Variants in LUZP1 observed in about 807,000 individuals in gnomAD.
LUZP1 encodes the protein filamin mechanobinding actin cross-linking protein.
Under a neutral mutation model 71.3 loss-of-function variants are expected in LUZP1, and 25 were observed. That is an observed-to-expected ratio of 0.35 (90% CI 0.26 to 0.49). The LOEUF is 0.49. LUZP1 is among the 20% of genes least tolerant of loss of function. The pLI, the probability that LUZP1 is intolerant of heterozygous loss-of-function variation, is 0.99. For synonymous variants in LUZP1, 481 were observed against 506.4 expected, an observed-to-expected ratio of 0.95 and a Z score of 0.67; for missense variants, 1,142 against 1,300.8, an observed-to-expected ratio of 0.88 and a Z score of 1.88.
intron 4 of LUZP1, chr1:23,090,277 A>G (rs1643833069): frequency 6.6e-6 from 1 of 152,178 alleles, no homozygotes; most frequent in Non-Finnish European, 1.5e-5. Flanking sequence ...AAAAATGGGG[A>G]TAATATCTGC....
At chr1:23,089,948 C>T (rs181846044) in intron 4 of LUZP1, among the ~76,000 whole-genome samples, 101 of 152,206 alleles carry the variant, frequency 6.6e-4, no homozygotes, top group African/African-American at 2.2e-3. Flanking sequence ...TTAGTAGAGA[C>T]GGGGTTTCAC....
chr1:23,102,058 A>C (rs972664999), intron 3 of LUZP1, among the ~76,000 whole-genome samples: 1 of 151,630 alleles, frequency 6.6e-6, no homozygotes, highest in Non-Finnish European at 1.5e-5. Flanking sequence ...AGCATATTGT[A>C]TCATCATACA....
At chr1:23,159,750 C>G (rs1644449802) in intron 2 of LUZP1, among the ~76,000 whole-genome samples, 1 of 152,190 alleles carries the variant, frequency 6.6e-6, no homozygotes, top group Non-Finnish European at 1.5e-5. Context: ...TTTGGGAAGC[C>G]AAGGCAGGCG....
chr1:23,137,360 G>A (rs1256349263), intron 2 of LUZP1, among the ~76,000 whole-genome samples: 2 of 152,200 alleles, frequency 1.3e-5, no homozygotes, highest in East Asian at 1.9e-4. Context: ...CCAAAGTGAG[G>A]CGAGGCATGG....
chr1:23,103,858 G>GGGAA (rs1643953962), intron 3 of LUZP1, among the ~76,000 whole-genome samples: 1 of 8,058 alleles, frequency 1.2e-4, no homozygotes, highest in Non-Finnish European at 4.0e-4. Flanking sequence ...GAGGGAGGGA[G>GGGAA]GGAGGGAGGG....
At chr1:23,118,071 CAG>C (rs762223812) in intron 2 of LUZP1, among the ~76,000 whole-genome samples, 16 of 150,876 alleles carry the variant, frequency 1.1e-4, no homozygotes, top group Admixed American at 2.6e-4. Flanking sequence ...CCCTGGGCGA[CAG>C]AGCGAGACTC....
In LUZP1 at chr1:23,093,648, T is replaced by C. The variant is rs1334498312; in HGVS notation, c.614A>G (p.Lys205Arg). The C allele has an allele frequency of 1.2e-6, 2 of 1,610,890 alleles. No homozygotes were observed. Among genetic ancestry groups the C allele is most frequent in the East Asian group, 4.5e-5 (2 of 44,870 alleles). Residue 205 changes from lysine to arginine, a missense_variant, in exon 4 of 5, where the codon AAA becomes AGA. Lys to Arg is a conservative substitution (Grantham distance 26, BLOSUM62 2). Coordinates refer to ENST00000302291, the Ensembl canonical transcript of LUZP1. The surrounding 1 kb of genome is among the most constrained non-coding windows in gnomAD (Gnocchi z 4.2). Reference sequence around the variant, plus strand: ...TTCTTTTATCAATTTCTCATTTTCTTTCTCCTTTTCATTCAAGTATTTTCT... The same window carrying C: ...TTCTTTTATCAATTTCTCATTTTCTCTCTCCTTTTCATTCAAGTATTTTCT...
chr1:23,106,822 C>T (rs1643985999), intron 3 of LUZP1, among the ~76,000 whole-genome samples: 1 of 152,172 alleles, frequency 6.6e-6, no homozygotes, highest in Admixed American at 6.5e-5. Flanking sequence ...TCCATCCTTC[C>T]CCACCCTCCA....
chr1:23,093,784 C>G lies in LUZP1; in HGVS notation c.478G>C (p.Val160Leu), dbSNP rs1643877820. Residue 160 changes from valine to leucine, a missense_variant, in exon 4 of 5, where the codon GTC becomes CTC. Val to Leu is a conservative substitution (Grantham distance 32, BLOSUM62 1). Transcript: ENST00000302291. The surrounding 1 kb of genome is among the most constrained non-coding windows in gnomAD (Gnocchi z 4.2). Reference sequence around the variant, plus strand: ...GAAGATTCTAGTTCTTTCACTTTGACTCTGAGCATTTCCAGCTCAGAGGAG... The same window carrying G: ...GAAGATTCTAGTTCTTTCACTTTGAGTCTGAGCATTTCCAGCTCAGAGGAG... 1 of 1,614,018 alleles carries G rather than the reference C, an allele frequency of 6.2e-7. No individual in the cohort carries two copies. The highest frequency in any genetic ancestry group is 8.5e-7 in the Non-Finnish European group (1 of 1,180,016).
At chr1:23,108,035 TCTAA>T (rs1356211240) in intron 3 of LUZP1, among the ~76,000 whole-genome samples, 2 of 152,160 alleles carry the variant, frequency 1.3e-5, no homozygotes, top group Non-Finnish European at 2.9e-5. Context: ...GGAAGCTTTC[TCTAA>T]CTATCATCCA....
chr1:23,149,960 CAAAAAAAAAAAAAA>C (rs66680455), intron 2 of LUZP1, among the ~76,000 whole-genome samples: 3 of 75,780 alleles, frequency 4.0e-5, no homozygotes, highest in Non-Finnish European at 7.0e-5. Context: ...GACTCCGTCT[CAAAAAAAAAAAAAA>C]AAAAAAAAAA....
At chr1:23,144,237 GAAGAGATGGA>G in intron 2 of LUZP1, among the ~76,000 whole-genome samples, 1 of 152,202 alleles carries the variant, frequency 6.6e-6, no homozygotes, top group Non-Finnish European at 1.5e-5. Flanking sequence ...TCTTTTCATC[GAAGAGATGGA>G]AAGAGTACAT....
intron 3 of LUZP1, among the ~76,000 whole-genome samples, chr1:23,096,435 G>A (rs1467648079): frequency 1.3e-5 from 2 of 152,130 alleles, no homozygotes; most frequent in South Asian, 2.1e-4. Context: ...TATTTGAAGA[G>A]CTAGCAGGTA....
At chr1:23,156,034 G>C (rs1348015327) in intron 2 of LUZP1, among the ~76,000 whole-genome samples, 1 of 152,150 alleles carries the variant, frequency 6.6e-6, no homozygotes, top group African/African-American at 2.4e-5. Context: ...TCAGACCAAG[G>C]TAAATGATAC....
At chr1:23,102,624 G>A (rs1643940507) in intron 3 of LUZP1, among the ~76,000 whole-genome samples, 2 of 152,150 alleles carry the variant, frequency 1.3e-5, no homozygotes, top group Non-Finnish European at 2.9e-5. Context: ...CTGTACAGAA[G>A]TGAATGAACA....
chr1:23,132,560 C>T (rs1644223377), intron 2 of LUZP1, among the ~76,000 whole-genome samples: 1 of 150,146 alleles, frequency 6.7e-6, no homozygotes, highest in Admixed American at 6.6e-5. Flanking sequence ...AATCTGGAGA[C>T]ATCTGAATAT....
intron 2 of LUZP1, among the ~76,000 whole-genome samples, chr1:23,136,973 G>A (rs1235616079): frequency 6.6e-6 from 1 of 152,140 alleles, no homozygotes; most frequent in Non-Finnish European, 1.5e-5. Flanking sequence ...TTCCTTTCTT[G>A]TAATCAAAGG....
intron 2 of LUZP1, among the ~76,000 whole-genome samples, chr1:23,159,173 T>C (rs536149908): frequency 6.6e-6 from 1 of 151,694 alleles, no homozygotes; most frequent in African/African-American, 2.4e-5. Flanking sequence ...ACCCCATCTC[T>C]ACTAAAAATA....
At chr1:23,120,163 A>T (rs576558355) in intron 2 of LUZP1, among the ~76,000 whole-genome samples, 10 of 150,782 alleles carry the variant, frequency 6.6e-5, no homozygotes, top group African/African-American at 2.4e-4. Flanking sequence ...GGCTGGTCTC[A>T]AACTCCAGAG....
Sources: allele counts gnomAD v4.1 joint callset (sites outside exome capture counted in the v4.1 genomes callset), GRCh38; gene constraint gnomAD v4.1.1; non-coding constraint Gnocchi (gnomAD v3.1); transcripts MANE v1.5; gene names NCBI Gene and HGNC (gene_info 2026-07-23, HGNC 2026-07-21).